The following NBPF11 variants were observed in gnomAD, a reference collection of about 807,000 sequenced individuals.
NBPF11 encodes the protein NBPF member 11.
NBPF11 carries 72 observed loss-of-function variants against 93.9 expected under a neutral mutation model. The observed-to-expected ratio is 0.77, with a 90% CI of 0.63 to 0.93. The LOEUF is 0.93. Among genes scored for constraint, NBPF11 ranks in the 40% least tolerant of loss-of-function variants. The pLI, the probability that NBPF11 is intolerant of heterozygous loss-of-function variation, is 0.00. For synonymous variants in NBPF11, 224 were observed against 304.9 expected, an observed-to-expected ratio of 0.73 and a Z score of 2.76; for missense variants, 705 against 802.2, an observed-to-expected ratio of 0.88 and a Z score of 1.46.
rs57869119 is a variant in NBPF11, at chr1:148,115,164, CAAAAAAAAAAAAAAA to C, written c.1585+614_1585+628del. On this transcript the variant is annotated intron_variant, in intron 14 of 23. Transcript: ENST00000682118. ...TAGGTGACAGAGCAGGACTCCATCA[CAAAAAAAAAAAAAAA>C]AAAAAAAAAAAAAAAAAAAAAAAAT... Among the ~76,000 whole-genome samples, 11 of 12,158 alleles carry C rather than the reference CAAAAAAAAAAAAAAA, an allele frequency of 9.0e-4. 1 individual carries two copies. The highest frequency in any genetic ancestry group is 4.4e-3 in the African/African-American group (9 of 2,044). The allele number at this position is 12,158 out of a possible 152,430, so 8.0% of individuals were successfully genotyped here. A position where few individuals can be genotyped will look rare whatever the true frequency, so the allele number is the denominator to read the frequency against.
chr1:148,140,384 C>T (rs1327831250), intron 2 of NBPF11, among the ~76,000 whole-genome samples: 1 of 151,194 alleles, frequency 6.6e-6, no homozygotes, highest in African/African-American at 2.4e-5. Context: ...AAATACAAAA[C>T]CAAAAGCACA....
At chr1:148,137,069 G>A (rs1435311062) in intron 3 of NBPF11, among the ~76,000 whole-genome samples, 4 of 151,908 alleles carry the variant, frequency 2.6e-5, no homozygotes, top group African/African-American at 9.7e-5. Context: ...CCACACCCTT[G>A]TCTCTAAAGC....
At position 148,103,686 on chromosome 1, in the gene NBPF11, C is replaced by A; in HGVS notation, c.*210G>T. 6.2e-7 allele frequency: 1 copy of A among 1,611,266 alleles called. No homozygotes were observed. The highest frequency in any genetic ancestry group is 1.1e-5 in the South Asian group (1 of 90,982). ...AGGGCTGCTTATTGTGGGAATATGA[C>A]TCCCATCTGGAAGACCAGGTGGAGA... On this transcript the variant is annotated 3_prime_UTR_variant, in exon 24 of 24. Coordinates refer to ENST00000682118, the MANE Select transcript of NBPF11 (RefSeq NM_001385469.3).
chr1:148,122,157 T>C lies in NBPF11; in HGVS notation c.676A>G (p.Asn226Asp). The change falls in exon 9 of 24, where the codon AAC becomes GAC. Residue 226 changes from asparagine (N) to aspartate (D), a missense_variant. Around this residue, in one of 12 missense-constraint regions of NBPF11, gnomAD observed 262 missense variants for 223.1 expected, o/e 1.17. Transcript: ENST00000682118. Reference protein sequence around the residue: ...GPCDSIQPHKNIKITFEEDKV... With the variant: ...GPCDSIQPHKDIKITFEEDKV... ...TCTTCCTCAAATGTGATTTTGATGT[T>C]CTTGTGAGGCTGGATGGAGTCACAA... The C allele has an allele frequency of 6.2e-7, 1 of 1,613,170 alleles. No homozygotes were observed. Among genetic ancestry groups the C allele is most frequent in the South Asian group, 1.1e-5 (1 of 91,044 alleles).
At chr1:148,129,130 A>T (rs1239262413) in intron 4 of NBPF11, among the ~76,000 whole-genome samples, 2 of 144,734 alleles carry the variant, frequency 1.4e-5, no homozygotes, top group African/African-American at 5.2e-5. Flanking sequence ...TATATGTATT[A>T]TTTATATATA....
rs1420979193 is a variant in NBPF11 at position 148,103,694 on chromosome 1, T to A, written c.*202A>T. The A allele has an allele frequency of 4.9e-5, 79 of 1,611,226 alleles. No individual in the cohort carries two copies. Among genetic ancestry groups the A allele is most frequent in the Middle Eastern group, 4.5e-4 (2 of 4,458 alleles). On this transcript the variant is annotated 3_prime_UTR_variant, in exon 24 of 24. Transcript: ENST00000682118. ...TTATTGTGGGAATATGACTCCCATC[T>A]GGAAGACCAGGTGGAGACTTCTCAC...
At chr1:148,134,998 T>A (rs1274991393) in intron 4 of NBPF11, 2 of 150,680 alleles carry the variant, frequency 1.3e-5, no homozygotes, top group Admixed American at 1.3e-4. Context: ...TTATTTCTCC[T>A]TCATCATAAA....
In NBPF11 at chr1:148,118,733, A is replaced by T. The variant is rs1293041020; in HGVS notation, c.989-11T>A. The stretch of plus-strand genomic sequence containing the variant: ...TGCACTCTTCATATTCTGAGAAAAG[A>T]CAGACACGCCTGCATCAGTGGAAGG... On this transcript the variant is annotated splice_polypyrimidine_tract_variant and intron_variant, in intron 10 of 23. Transcript: ENST00000682118. The T allele has an allele frequency of 3.1e-6, 5 of 1,608,610 alleles. No individual in the cohort carries two copies. Among genetic ancestry groups the T allele is most frequent in the Non-Finnish European group, 4.2e-6 (5 of 1,177,094 alleles).
intron 4 of NBPF11, among the ~76,000 whole-genome samples, chr1:148,134,164 T>C (rs1356080299): frequency 6.6e-6 from 1 of 151,544 alleles, no homozygotes; most frequent in Admixed American, 6.6e-5. Flanking sequence ...CATTTCTTAA[T>C]GCCTTGGTGA....
chr1:148,147,658 C>G (rs1673403173), intron 1 of NBPF11, among the ~76,000 whole-genome samples: 1 of 151,996 alleles, frequency 6.6e-6, no homozygotes, highest in Non-Finnish European at 1.5e-5. Flanking sequence ...GGACCAGGCA[C>G]AGCTCTGAGA....
At chr1:148,141,668 C>G (rs1329183722) in intron 2 of NBPF11, among the ~76,000 whole-genome samples, 11 of 151,832 alleles carry the variant, frequency 7.2e-5, no homozygotes, top group Non-Finnish European at 1.5e-4. Context: ...TAGGCAGAAG[C>G]AGCCTCAGTC....
intron 1 of NBPF11, among the ~76,000 whole-genome samples, chr1:148,148,131 C>T (rs1271255450): frequency 1.3e-5 from 2 of 152,168 alleles, no homozygotes; most frequent in African/African-American, 4.8e-5. Context: ...GAGGCCGAGG[C>T]AGAGCTGGGG....
chr1:148,105,757 C>A (rs1300000605), intron 21 of NBPF11, among the ~76,000 whole-genome samples: 7 of 94,140 alleles, frequency 7.4e-5, no homozygotes, highest in Non-Finnish European at 1.9e-5. Flanking sequence ...AACACACACA[C>A]AAAGACACAC....
chr1:148,122,596 C>T (rs1558145651), intron 8 of NBPF11, 133 bp downstream of exon 8: 2 of 1,329,928 alleles, frequency 1.5e-6, no homozygotes, highest in South Asian at 2.4e-5. Context: ...TGTGTCTAAG[C>T]TGGGTTGAAT....
intron 1 of NBPF11, chr1:148,146,365 G>T (rs1429199987): frequency 5.3e-6 from 8 of 1,520,388 alleles, no homozygotes; most frequent in Non-Finnish European, 6.1e-6. Context: ...CGGGGGCCCC[G>T]GTGGAGGCCC....
At chr1:148,140,976 T>C (rs1349380653) in intron 2 of NBPF11, among the ~76,000 whole-genome samples, 1 of 152,066 alleles carries the variant, frequency 6.6e-6, no homozygotes, top group Non-Finnish European at 1.5e-5. Flanking sequence ...TTCAGGGATT[T>C]TACAAAACAA....
rs1334284227 is a variant in NBPF11 at position 148,125,398 on chromosome 1, G to C, written c.176-397C>G. Among the ~76,000 whole-genome samples, 10 of 151,908 alleles carry C rather than the reference G, an allele frequency of 6.6e-5. 1 individual carries two copies. Among genetic ancestry groups the C allele is most frequent in the Admixed American group, 1.3e-4 (2 of 15,262 alleles). ...AGTCAGGAAGGCCCCTAGGACTATGGGACTGATGGTTTCCCTTTTACTGGG... is the reference window on the plus strand; with the variant it reads ...AGTCAGGAAGGCCCCTAGGACTATGCGACTGATGGTTTCCCTTTTACTGGG... On this transcript the variant is annotated intron_variant, in intron 5 of 23. Transcript: ENST00000682118.
At chr1:148,132,198 AATATAT>A (rs1322200615) in intron 4 of NBPF11, among the ~76,000 whole-genome samples, 1 of 138,688 alleles carries the variant, frequency 7.2e-6, no homozygotes, top group Admixed American at 7.1e-5. Flanking sequence ...CAAAACGGTG[AATATAT>A]ATATATATAT....
rs587721501 is a variant in NBPF11 at position 148,122,902 on chromosome 1, G to C, written c.494-101C>G. On this transcript the variant is annotated intron_variant, in intron 7 of 23. Transcript: ENST00000682118. ...GACATGAATATCTATGTATGGTTCA[G>C]CATTGTACTGAAAACTCTCATGTTT... 2.9e-4 allele frequency: 463 copies of C among 1,597,330 alleles called. 6 individuals carry two copies. In the African/African-American group the frequency reaches 5.3e-3, roughly 18 times the overall value.
Sources: gnomAD v4.1 joint callset for allele counts (sites outside exome capture counted in the v4.1 genomes callset) on GRCh38, gnomAD v4.1.1 for gene constraint, gnomAD v4.1.1 regional missense constraint, MANE v1.5 for transcripts, NCBI Gene and HGNC (gene_info 2026-07-23, HGNC 2026-07-21) for gene names.